Variants in NEK1 observed in about 807,000 individuals in gnomAD.
NEK1 encodes serine/threonine-protein kinase Nek1.
A neutral mutation model predicts 182.1 loss-of-function variants in NEK1; 137 were observed. The observed-to-expected ratio is 0.75, with a 90% CI of 0.65 to 0.87. The LOEUF is 0.87. Among genes scored for constraint, NEK1 ranks in the 40% least tolerant of loss-of-function variants. The pLI, the probability that NEK1 is intolerant of heterozygous loss-of-function variation, is 0.00. For missense variants in NEK1, 1,391 were observed against 1,494.4 expected, an observed-to-expected ratio of 0.93 and a Z score of 1.14; for synonymous variants, 513 against 492.2, an observed-to-expected ratio of 1.04 and a Z score of -0.56.
At chr4:169,515,539 A>C (rs2149725692) in intron 19 of NEK1, among the ~76,000 whole-genome samples, 2 of 146,538 alleles carry the variant, frequency 1.4e-5, no homozygotes, top group South Asian at 4.5e-4. Flanking sequence ...TTTAGGGTAC[A>C]TGTGCACATT....
At position 169,612,268 on chromosome 4, in the gene NEK1, C is replaced by G. The variant is rs371269122; in HGVS notation, c.-219G>C. On this transcript the variant is annotated 5_prime_UTR_variant, in exon 1 of 36. Transcript: ENST00000507142. ...TACCACGGGTTTGACTCCGTCCTGT[C>G]TCGGGCGACGCCCGTAAGACAGGTC... 1 of 152,300 alleles carries G rather than the reference C, an allele frequency of 6.6e-6. No homozygotes were observed. The highest frequency in any genetic ancestry group is 1.9e-4 in the East Asian group (1 of 5,190). The allele number at this position is 152,300 out of a possible 1,614,324, so 9.4% of individuals were successfully genotyped here. A position where few individuals can be genotyped will look rare whatever the true frequency, so the allele number is the denominator to read the frequency against.
At chr4:169,397,814 T>C (rs1478426911) in intron 35 of NEK1, among the ~76,000 whole-genome samples, 2 of 152,236 alleles carry the variant, frequency 1.3e-5, no homozygotes, top group African/African-American at 4.8e-5. Flanking sequence ...AGTTGATTGT[T>C]ACAGCTCTCC....
intron 9 of NEK1, among the ~76,000 whole-genome samples, chr4:169,586,288 TA>T (rs1261128303): frequency 2.0e-5 from 3 of 152,012 alleles, no homozygotes; most frequent in Non-Finnish European, 4.4e-5. Context: ...AAATAAAATG[TA>T]CTATAAATTA....
At chr4:169,610,009 A>C (rs759963023) in intron 2 of NEK1, among the ~76,000 whole-genome samples, 1 of 149,858 alleles carries the variant, frequency 6.7e-6, no homozygotes, top group Non-Finnish European at 1.5e-5. Flanking sequence ...CATTTTACTA[A>C]GAATTTCTTT....
intron 26 of NEK1, 30 bp downstream of exon 26, chr4:169,477,094 A>AATAGGATATTAATATACTAC (rs1747091869): frequency 6.8e-7 from 1 of 1,471,336 alleles, no homozygotes; most frequent in Non-Finnish European, 9.3e-7. Flanking sequence ...ACTAGACCTA[A>AATAGGATATTAATATACTAC]ATAGGATATT....
chr4:169,412,887 GGGGA>G (rs1316793706), intron 31 of NEK1, among the ~76,000 whole-genome samples: 1 of 151,590 alleles, frequency 6.6e-6, no homozygotes, highest in Non-Finnish European at 1.5e-5. Context: ...GGGGTGGTGG[GGGGA>G]GGGAGGGAGG....
rs186043950 is a variant in NEK1 at position 169,404,624 on chromosome 4, C to T, written c.3374+1972G>A. 7.2e-5 allele frequency among the ~76,000 whole-genome samples: 11 copies of T among 152,100 alleles called. No homozygotes were observed. The East Asian group carries it at 2.1e-3, about 29-fold the overall frequency. On this transcript the variant is annotated intron_variant, in intron 32 of 35. Coordinates refer to ENST00000507142, the MANE Select transcript of NEK1 (RefSeq NM_001199397.3). ...ATTCTAATATTTTATAACTTTTTAT[C>T]CAGGTGATTTGAACACACTGTACCT...
At chr4:169,471,750 G>C (rs553708224) in intron 26 of NEK1, among the ~76,000 whole-genome samples, 2 of 152,280 alleles carry the variant, frequency 1.3e-5, no homozygotes, top group South Asian at 2.1e-4. Context: ...CAGGTGCTCT[G>C]TCCCAGGGAC....
chr4:169,406,545 T>A, intron 32 of NEK1, 51 bp downstream of exon 32: 3 of 1,376,302 alleles, frequency 2.2e-6, no homozygotes, highest in Non-Finnish European at 2.9e-6. Flanking sequence ...CTTTTTTACA[T>A]ATAAATTCAG....
At chr4:169,487,842 T>A (rs901628398) in intron 23 of NEK1, among the ~76,000 whole-genome samples, 1 of 152,182 alleles carries the variant, frequency 6.6e-6, no homozygotes, top group Non-Finnish European at 1.5e-5. Flanking sequence ...CTTGATTTTT[T>A]AATAATTGCC....
At chr4:169,546,943 G>A (rs1279581104) in intron 18 of NEK1, among the ~76,000 whole-genome samples, 1 of 152,182 alleles carries the variant, frequency 6.6e-6, no homozygotes, top group African/African-American at 2.4e-5. Flanking sequence ...GCCAGTCTGT[G>A]TCTGTTAATG....
chr4:169,490,254 C>T (rs1749812354), intron 23 of NEK1, among the ~76,000 whole-genome samples: 1 of 152,138 alleles, frequency 6.6e-6, no homozygotes, highest in Non-Finnish European at 1.5e-5. Flanking sequence ...AGAACCTCTG[C>T]CCTTGAGCCA....
chr4:169,458,826 T>G (rs1298136917), intron 27 of NEK1, among the ~76,000 whole-genome samples: 4 of 97,882 alleles, frequency 4.1e-5, no homozygotes, highest in African/African-American at 2.3e-4. Context: ...AGACCCCATC[T>G]CAAAAAAAAA....
In NEK1 at chr4:169,590,789, C is replaced by T; in HGVS notation, c.333G>A (p.Gln111=). The part of the protein sequence containing the change: ...QEDQILDWFV[Q]ICLALKHVHD... ...GTACATGTTTCAGGGCCAAACATAT[C>T]TGTACAAACCAGTCCAAAATCTAGG... Residue 111 remains glutamine, a synonymous_variant, in exon 6 of 36, where the codon CAG becomes CAA. Transcript: ENST00000507142. The T allele has an allele frequency of 6.3e-7, 1 of 1,596,762 alleles. No homozygotes were observed. Among genetic ancestry groups the T allele is most frequent in the East Asian group, 2.2e-5 (1 of 44,484 alleles).
chr4:169,409,977 C>G (rs1287357106), intron 31 of NEK1, among the ~76,000 whole-genome samples: 6 of 151,994 alleles, frequency 3.9e-5, no homozygotes, highest in Non-Finnish European at 8.8e-5. Flanking sequence ...TGTTTGAGTT[C>G]CTGGTAGATT....
intron 5 of NEK1, among the ~76,000 whole-genome samples, chr4:169,595,977 G>T (rs1287478883): frequency 6.7e-6 from 1 of 150,156 alleles, no homozygotes; most frequent in East Asian, 1.9e-4. Flanking sequence ...CTTACATAGT[G>T]CTGCCAGGAA....
intron 5 of NEK1, 85 bp downstream of exon 5, chr4:169,599,015 A>G: frequency 1.1e-6 from 1 of 922,256 alleles, no homozygotes; most frequent in Non-Finnish European, 1.7e-6. Flanking sequence ...TAGCATTTGT[A>G]GTTAAAAACA....
chr4:169,462,623 G>A (rs1284871639), intron 27 of NEK1, among the ~76,000 whole-genome samples: 1 of 151,958 alleles, frequency 6.6e-6, no homozygotes, highest in African/African-American at 2.4e-5. Context: ...GAGTGAGAGA[G>A]ATAGAGAAGG....
At chr4:169,500,646 C>A (rs1322737232) in intron 23 of NEK1, among the ~76,000 whole-genome samples, 1 of 152,208 alleles carries the variant, frequency 6.6e-6, no homozygotes, top group Non-Finnish European at 1.5e-5. Context: ...AAGAATTTCA[C>A]AGCCTGCCAA....
Sources: allele counts gnomAD v4.1 joint callset (sites outside exome capture counted in the v4.1 genomes callset), GRCh38; gene constraint gnomAD v4.1.1; transcripts MANE v1.5; gene names NCBI Gene and HGNC (gene_info 2026-07-23, HGNC 2026-07-21).